Variants in WDPCP observed in about 807,000 individuals in gnomAD.
The protein encoded by WDPCP is WD repeat containing planar cell polarity effector.
In WDPCP, 71 loss-of-function variants were observed where a neutral mutation model predicts 93.1. That is an observed-to-expected ratio of 0.76 (90% CI 0.63 to 0.93). WDPCP has a LOEUF of 0.93. Ranked by LOEUF, WDPCP falls within the 40% of genes least tolerant of loss-of-function variation. WDPCP has a pLI of 0.00. For missense variants in WDPCP, 844 were observed against 887.4 expected, an observed-to-expected ratio of 0.95 and a Z score of 0.62; for synonymous variants, 315 against 315.0, an observed-to-expected ratio of 1.00 and a Z score of 0.00.
At position 63,121,802 on chromosome 2, in the gene WDPCP, A is replaced by G. The variant is rs1489842735; in HGVS notation, c.*204T>C. ...GAAAATAAGTAGGTTGAAGACTTTT[A>G]CTTACGATCACTTTGCTGTTATGCT... On this transcript the variant is annotated 3_prime_UTR_variant, in exon 18 of 18. Coordinates refer to ENST00000272321, the MANE Select transcript of WDPCP (RefSeq NM_015910.7). 4 of 1,297,168 alleles carry G rather than the reference A, an allele frequency of 3.1e-6. No individual in the cohort carries two copies. Among genetic ancestry groups the G allele is most frequent in the Non-Finnish European group, 4.0e-6 (4 of 993,896 alleles). 80.4% of individuals were successfully genotyped at this position (1,297,168 alleles called of 1,614,324 possible).
intron 3 of WDPCP, among the ~76,000 whole-genome samples, chr2:63,600,838 G>C (rs1418437722): frequency 6.6e-6 from 1 of 152,144 alleles, no homozygotes; most frequent in South Asian, 2.1e-4. Context: ...TAAAGGAAGA[G>C]ATATTATACA....
intron 3 of WDPCP, among the ~76,000 whole-genome samples, chr2:63,606,442 C>A (rs1558864433): frequency 1.3e-5 from 2 of 152,264 alleles, no homozygotes; most frequent in East Asian, 3.9e-4. Context: ...AGACATTTTT[C>A]TCAGCTTTAA....
intron 9 of WDPCP, among the ~76,000 whole-genome samples, chr2:63,420,227 A>G (rs756659305): frequency 5.3e-5 from 8 of 152,066 alleles, no homozygotes; most frequent in Non-Finnish European, 8.8e-5. Flanking sequence ...ATTTCTTTTA[A>G]TGAAATAAAT....
chr2:63,236,895 A>C (rs981848239), intron 14 of WDPCP, among the ~76,000 whole-genome samples: 2 of 152,044 alleles, frequency 1.3e-5, no homozygotes, highest in Non-Finnish European at 2.9e-5. Flanking sequence ...CCTAAGAAAT[A>C]CTCTTGTGGA....
At chr2:63,396,804 C>T (rs965343880) in intron 10 of WDPCP, among the ~76,000 whole-genome samples, 1 of 152,106 alleles carries the variant, frequency 6.6e-6, no homozygotes, top group Non-Finnish European at 1.5e-5. Context: ...TTCTGCTTCT[C>T]TCCCTCCTCC....
chr2:63,494,513 A>G (rs1461055112), intron 1 of WDPCP, among the ~76,000 whole-genome samples: 4 of 149,020 alleles, frequency 2.7e-5, no homozygotes, highest in Non-Finnish European at 6.0e-5. Context: ...TGGTGGAGGC[A>G]GGCTTTGGAT....
chr2:63,653,909 C>CAAAAA (rs34250036), intron 2 of WDPCP, among the ~76,000 whole-genome samples: 1 of 133,558 alleles, frequency 7.5e-6, no homozygotes, highest in African/African-American at 2.8e-5. Context: ...GACTCCATCT[C>CAAAAA]AAAAAAAAAA....
intron 13 of WDPCP, among the ~76,000 whole-genome samples, chr2:63,308,443 C>T (rs564170312): frequency 3.5e-4 from 53 of 152,264 alleles, no homozygotes; most frequent in African/African-American, 1.0e-3. Context: ...CATATGCACA[C>T]GTATGTTTAT....
chr2:63,172,509 C>G (rs938396160), intron 15 of WDPCP, among the ~76,000 whole-genome samples: 4 of 151,944 alleles, frequency 2.6e-5, no homozygotes, highest in Admixed American at 6.6e-5. Flanking sequence ...TGCCGCCCCC[C>G]ACCCCTCCAA....
At chr2:63,476,770 A>C (rs940113845) in intron 6 of WDPCP, among the ~76,000 whole-genome samples, 14 of 152,194 alleles carry the variant, frequency 9.2e-5, no homozygotes, top group Non-Finnish European at 2.1e-4. Context: ...TTTTATGAGA[A>C]AAGCAAATTG....
intron 12 of WDPCP, among the ~76,000 whole-genome samples, chr2:63,352,495 T>C (rs1306752071): frequency 1.3e-5 from 2 of 152,250 alleles, no homozygotes; most frequent in Admixed American, 1.3e-4. Flanking sequence ...TGAGTGCCGA[T>C]ACTTTATAAC....
intron 17 of WDPCP, among the ~76,000 whole-genome samples, chr2:63,152,596 C>G (rs1671961870): frequency 1.3e-5 from 2 of 152,110 alleles, no homozygotes; most frequent in South Asian, 4.1e-4. Flanking sequence ...CTTAATTCAC[C>G]TATATCCCTT....
At chr2:63,131,558 A>G (rs1670293097) in intron 17 of WDPCP, among the ~76,000 whole-genome samples, 1 of 152,024 alleles carries the variant, frequency 6.6e-6, no homozygotes, top group Non-Finnish European at 1.5e-5. Context: ...TGTGTGAGTA[A>G]TTTTATAGAT....
intron 12 of WDPCP, among the ~76,000 whole-genome samples, chr2:63,365,353 A>G (rs1044576007): frequency 6.6e-6 from 1 of 152,194 alleles, no homozygotes; most frequent in Non-Finnish European, 1.5e-5. Flanking sequence ...TACTACAGCT[A>G]TAACAAAAAT....
intron 2 of WDPCP, among the ~76,000 whole-genome samples, chr2:63,808,433 G>A (rs1233784219): frequency 6.6e-6 from 1 of 150,608 alleles, no homozygotes; most frequent in Non-Finnish European, 1.5e-5. Flanking sequence ...GCTCACTGCA[G>A]CCTCCCTGCC....
At chr2:63,530,692 A>C (rs890186357) in intron 1 of WDPCP, among the ~76,000 whole-genome samples, 1 of 152,222 alleles carries the variant, frequency 6.6e-6, no homozygotes, top group Admixed American at 6.5e-5. Flanking sequence ...CTGGCAGGCC[A>C]AATTGTTGGT....
intron 6 of WDPCP, among the ~76,000 whole-genome samples, chr2:63,475,228 T>C (rs1438857440): frequency 1.3e-5 from 2 of 152,140 alleles, no homozygotes; most frequent in Admixed American, 1.3e-4. Context: ...CTTTTCAGAC[T>C]ACCTTTCTAG....
chr2:63,286,386 C>T (rs1350176486), intron 13 of WDPCP, among the ~76,000 whole-genome samples: 1 of 152,108 alleles, frequency 6.6e-6, no homozygotes, highest in African/African-American at 2.4e-5. Context: ...TGTAATCTCC[C>T]CCACCCTTAA....
In WDPCP at chr2:63,153,270, T is replaced by C. The variant is rs752749319; in HGVS notation, c.2158+225A>G. ...GATCTACTGAATCAGAATCAACTTT[T>C]TAACAAGATCTCCAAATTTATCTAT... On this transcript the variant is annotated intron_variant, in intron 16 of 17. Transcript: ENST00000272321. Among the ~76,000 whole-genome samples the C allele has an allele frequency of 4.7e-4, 72 of 152,262 alleles. No individual in the cohort carries two copies. In the Middle Eastern group the frequency reaches 0.014, roughly 29 times the overall value.
Sources: allele counts gnomAD v4.1 joint callset (sites outside exome capture counted in the v4.1 genomes callset), GRCh38; gene constraint gnomAD v4.1.1; transcripts MANE v1.5; gene names NCBI Gene and HGNC (gene_info 2026-07-23, HGNC 2026-07-21).